CHFR: variants seen among roughly 807,000 people sequenced by gnomAD.
The protein encoded by CHFR is checkpoint with forkhead and ring finger domains.
Under a neutral mutation model 87.6 loss-of-function variants are expected in CHFR, and 57 were observed. The observed-to-expected ratio is 0.65, with a 90% CI of 0.53 to 0.81. The LOEUF is 0.81. Among genes scored for constraint, CHFR ranks in the 30% least tolerant of loss-of-function variants. CHFR has a pLI of 0.00. For synonymous variants in CHFR, 381 were observed against 359.2 expected, an observed-to-expected ratio of 1.06 and a Z score of -0.69; for missense variants, 797 against 865.8, an observed-to-expected ratio of 0.92 and a Z score of 1.00.
At position 132,848,840 on chromosome 12, in the gene CHFR, T is replaced by C. The variant is rs1439226971; in HGVS notation, c.1493-116A>G. The C allele has an allele frequency of 3.9e-6, 3 of 778,808 alleles. No homozygotes were observed. The African/African-American group carries it at 5.2e-5, about 13-fold the overall frequency. 48.2% of individuals were successfully genotyped at this position (778,808 alleles called of 1,614,324 possible). On this transcript the variant is annotated intron_variant, in intron 12 of 17. Coordinates refer to ENST00000450056, the MANE Select transcript of CHFR (RefSeq NM_001161346.2). The stretch of plus-strand genomic sequence containing the variant: ...TTCTGGAAACATTGTTCAGGAGGGG[T>C]CTCATGGAAATCGGGGCGGGGCCAC...
chr12:132,878,147 AATACCT>A (rs1951672771), intron 2 of CHFR, among the ~76,000 whole-genome samples: 1 of 152,008 alleles, frequency 6.6e-6, no homozygotes. Flanking sequence ...GACACCCATC[AATACCT>A]CCAGTTACAC....
At chr12:132,847,962 C>T (rs559215834) in intron 14 of CHFR, 123 bp downstream of exon 14, 212 of 1,531,272 alleles carry the variant, frequency 1.4e-4, no homozygotes, top group South Asian at 2.6e-4. Context: ...ACATGGCTCC[C>T]GGCTCCCCAA....
In CHFR at chr12:132,835,681, G is replaced by A; in HGVS notation, c.*5873C>T. On this transcript the variant is annotated 3_prime_UTR_variant, in exon 18 of 18. Coordinates refer to ENST00000450056, the MANE Select transcript of CHFR (RefSeq NM_001161346.2). ...TCTCAGAGTTCCAGGCCCCAGAACTGTGAGAAAATACTTTCTGTTGTTTAA... is the reference window on the plus strand; with the variant it reads ...TCTCAGAGTTCCAGGCCCCAGAACTATGAGAAAATACTTTCTGTTGTTTAA... 4.4e-6 allele frequency: 1 copy of A among 226,386 alleles called. No homozygotes were observed. The highest frequency in any genetic ancestry group is 9.0e-6 in the Non-Finnish European group (1 of 111,688). 14.0% of individuals were successfully genotyped at this position (226,386 alleles called of 1,614,324 possible).
intron 4 of CHFR, chr12:132,871,801 C>G (rs2137024291): frequency 6.5e-6 from 1 of 153,410 alleles, no homozygotes; most frequent in East Asian, 1.9e-4. Flanking sequence ...CAGGGGTGAC[C>G]TTCGAAGGAC....
rs182483420 is a variant in CHFR, at chr12:132,848,765, G to A, written c.1493-41C>T. The A allele has an allele frequency of 2.3e-4, 333 of 1,442,910 alleles. 5 individuals carry two copies. In the East Asian group the frequency reaches 8.0e-3, roughly 35 times the overall value. The allele number at this position is 1,442,910 out of a possible 1,614,324, so 89.4% of individuals were successfully genotyped here. ...ACTCGTTACACGCACTCAGCGCTGA[G>A]GGCTGTCTCCAACACAATTCGTCAG... is the stretch of plus-strand genomic sequence containing the variant. On this transcript the variant is annotated intron_variant, in intron 12 of 17. Coordinates refer to ENST00000450056, the MANE Select transcript of CHFR (RefSeq NM_001161346.2).
intron 9 of CHFR, 161 bp from the exon 10 acceptor site, chr12:132,856,791 G>A: frequency 2.4e-6 from 2 of 826,138 alleles, no homozygotes; most frequent in African/African-American, 1.7e-5. Context: ...GCCCTCACGT[G>A]CCCAGGTGCT....
intron 6 of CHFR, among the ~76,000 whole-genome samples, chr12:132,868,690 A>G (rs1441585614): frequency 6.6e-6 from 1 of 152,192 alleles, no homozygotes; most frequent in Non-Finnish European, 1.5e-5. Context: ...AACAACAACA[A>G]AAAAGAGCAC....
rs775208965 is a variant in CHFR at position 132,869,730 on chromosome 12, C to T, written c.472G>A (p.Val158Met). 1.4e-5 allele frequency: 21 copies of T among 1,551,590 alleles called. No homozygotes were observed. Among genetic ancestry groups the T allele is most frequent in the Non-Finnish European group, 1.7e-5 (20 of 1,147,010 alleles). ...RVPPSSPATQ[V>M]CFEEPQPSTS... ...GATGGCTGTGGTTCCTCAAAGCACACCTGAGTGGCGGGCGACGACGGAGGG... is the reference window on the plus strand; with the variant it reads ...GATGGCTGTGGTTCCTCAAAGCACATCTGAGTGGCGGGCGACGACGGAGGG... Residue 158 changes from valine (V) to methionine (M), a missense_variant, in exon 6 of 18, where the codon GTG (valine) becomes ATG (methionine). By Grantham distance (21) the Val-to-Met change is conservative (BLOSUM62 1). This residue lies in a region of CHFR where 597 missense variants were observed against 601.2 expected (regional missense o/e 0.99). Coordinates refer to ENST00000450056, the MANE Select transcript of CHFR (RefSeq NM_001161346.2).
chr12:132,852,872 C>G (rs1488273499), intron 11 of CHFR, among the ~76,000 whole-genome samples: 1 of 152,212 alleles, frequency 6.6e-6, no homozygotes, highest in East Asian at 1.9e-4. Flanking sequence ...GGGCATCTTC[C>G]CATTCTATGA....
At chr12:132,866,382 T>G (rs946362831) in intron 6 of CHFR, 3 of 150,580 alleles carry the variant, frequency 2.0e-5, no homozygotes, top group Admixed American at 2.0e-4. Flanking sequence ...CACACCGGAA[T>G]GTTGGAATGT....
chr12:132,842,756 A>T (rs148561248), intron 17 of CHFR, among the ~76,000 whole-genome samples: 2 of 152,370 alleles, frequency 1.3e-5, no homozygotes, highest in African/African-American at 2.4e-5. Flanking sequence ...CTAAGCCTGA[A>T]ATGATGGGGT....
intron 8 of CHFR, 32 bp from the exon 9 acceptor site, chr12:132,857,591 G>A: frequency 6.2e-7 from 1 of 1,606,430 alleles, no homozygotes; most frequent in Non-Finnish European, 8.5e-7. Flanking sequence ...TGTCCAGACA[G>A]TCCCACAGAT....
At chr12:132,873,950 G>A (rs996761126) in intron 3 of CHFR, among the ~76,000 whole-genome samples, 4 of 152,108 alleles carry the variant, frequency 2.6e-5, no homozygotes, top group South Asian at 2.1e-4. Context: ...CACACGCTCC[G>A]ACCACACAGC....
intron 15 of CHFR, among the ~76,000 whole-genome samples, chr12:132,846,163 T>G (rs964361776): frequency 6.6e-6 from 1 of 152,064 alleles, no homozygotes; most frequent in Non-Finnish European, 1.5e-5. Flanking sequence ...ACTGCTGTAG[T>G]GAGGGTCTCA....
In CHFR at chr12:132,859,166, G is replaced by A. The variant is rs747517165; in HGVS notation, c.813C>T (p.Thr271=). The change falls in exon 8 of 18, where the codon ACC becomes ACT. Residue 271 remains threonine (T), a synonymous_variant. Transcript: ENST00000450056. The part of the protein sequence containing the change: ...LVAQPRRNAQ[T]VHEDVRAAAG... ...CCGCTGCTCTGACGTCCTCGTGGAC[G>A]GTTTGGGCATTTCTACGCGGTTGTG... The A allele has an allele frequency of 8.7e-6, 14 of 1,613,910 alleles. No homozygotes were observed. The highest frequency in any genetic ancestry group is 2.7e-5 in the African/African-American group (2 of 74,920).
At chr12:132,872,963 C>G (rs1951525496) in intron 3 of CHFR, among the ~76,000 whole-genome samples, 1 of 152,150 alleles carries the variant, frequency 6.6e-6, no homozygotes, top group African/African-American at 2.4e-5. Context: ...ATGCTGCTGA[C>G]CCAGGGACAG....
chr12:132,862,278 GA>G (rs113102875), intron 6 of CHFR: 89 of 246,724 alleles, frequency 3.6e-4, no homozygotes, highest in South Asian at 4.5e-4. Context: ...TCCCTCTGGG[GA>G]AAAAAAAATA....
At chr12:132,842,431 G>C (rs553174646) in intron 17 of CHFR, among the ~76,000 whole-genome samples, 36 of 152,322 alleles carry the variant, frequency 2.4e-4, no homozygotes, top group African/African-American at 7.9e-4. Flanking sequence ...TGAGGGAGGC[G>C]CCTTTCTCTG....
At chr12:132,874,508 A>C (rs1205868735) in intron 3 of CHFR, among the ~76,000 whole-genome samples, 28 of 131,270 alleles carry the variant, frequency 2.1e-4, no homozygotes, top group South Asian at 5.3e-4. Context: ...ACAGGTGGGA[A>C]GGCCCAGGAC....
Sources: allele counts gnomAD v4.1 joint callset (sites outside exome capture counted in the v4.1 genomes callset), GRCh38; gene constraint gnomAD v4.1.1; regional missense constraint gnomAD v4.1.1; transcripts MANE v1.5; gene names NCBI Gene and HGNC (gene_info 2026-07-23, HGNC 2026-07-21).